Variants in RIT2 observed in about 807,000 individuals in gnomAD.
RIT2 encodes the protein GTP-binding protein Rit2.
RIT2 carries 24 observed loss-of-function variants against 23.7 expected under a neutral mutation model. The ratio of observed to expected loss-of-function variants is 1.01; its 90% CI spans 0.73 to 1.43. The LOEUF (loss-of-function observed/expected upper bound fraction) is 1.43. RIT2 is among the 40% of genes most tolerant of loss of function. The pLI is 0.00. For synonymous variants in RIT2, 107 were observed against 91.1 expected (o/e 1.17, Z -0.99); for missense variants, 236 against 266.9 (o/e 0.88, Z 0.81).
intron 2 of RIT2, among the ~76,000 whole-genome samples, chr18:42,974,918 A>C (rs1360478727): frequency 6.6e-6 from 1 of 152,116 alleles, no homozygotes; most frequent in South Asian, 2.1e-4. Context: ...AAATATTGAA[A>C]GACATTTGAC....
intron 2 of RIT2, among the ~76,000 whole-genome samples, chr18:43,005,697 T>C (rs1194778414): frequency 2.6e-5 from 4 of 151,758 alleles, no homozygotes; most frequent in African/African-American, 9.7e-5. Flanking sequence ...GGCAAAACCA[T>C]CACTTAAATA....
intron 1 of RIT2, among the ~76,000 whole-genome samples, chr18:43,053,186 A>G (rs955701755): frequency 6.6e-6 from 1 of 152,092 alleles, no homozygotes; most frequent in African/African-American, 2.4e-5. Flanking sequence ...AATGCTGTCT[A>G]AACTATTTGT....
intron 4 of RIT2, among the ~76,000 whole-genome samples, chr18:42,904,301 AC>A (rs1217849278): frequency 1.3e-5 from 2 of 152,094 alleles, no homozygotes; most frequent in Non-Finnish European, 2.9e-5. Flanking sequence ...ATCAAGCAAA[AC>A]CCTTTTCAGC....
chr18:42,995,276 C>G (rs2144233809), intron 2 of RIT2, among the ~76,000 whole-genome samples: 1 of 150,984 alleles, frequency 6.6e-6, no homozygotes, highest in East Asian at 2.0e-4. Context: ...TTTTCAGGCC[C>G]CCTCCCTTCC....
chr18:42,768,355 C>T (rs1913474089), intron 4 of RIT2, among the ~76,000 whole-genome samples: 1 of 152,104 alleles, frequency 6.6e-6, no homozygotes, highest in South Asian at 2.1e-4. Flanking sequence ...AGCCAGCCAA[C>T]CAACAGTCAG....
chr18:42,781,516 G>T (rs953290895), intron 4 of RIT2, among the ~76,000 whole-genome samples: 2 of 152,070 alleles, frequency 1.3e-5, no homozygotes, highest in African/African-American at 4.8e-5. Flanking sequence ...CTCCCTGGGG[G>T]CCTCAACTGC....
chr18:42,846,953 C>T (rs1055504142), intron 4 of RIT2, among the ~76,000 whole-genome samples: 12 of 152,164 alleles, frequency 7.9e-5, no homozygotes, highest in Middle Eastern at 6.8e-3. Flanking sequence ...TATAATTTCA[C>T]GGGTTTTCAC....
At chr18:42,789,023 T>G (rs372193904) in intron 4 of RIT2, among the ~76,000 whole-genome samples, 8 of 152,302 alleles carry the variant, frequency 5.3e-5, no homozygotes, top group African/African-American at 1.9e-4. Context: ...TTCAAAGACA[T>G]TCTTTTATTT....
intron 4 of RIT2, among the ~76,000 whole-genome samples, chr18:42,809,313 T>C (rs913567593): frequency 6.6e-6 from 1 of 152,074 alleles, no homozygotes; most frequent in Non-Finnish European, 1.5e-5. Flanking sequence ...AAATTCAAGC[T>C]TCCTAAATCC....
intron 1 of RIT2, among the ~76,000 whole-genome samples, chr18:43,054,654 A>G (rs534691752): frequency 6.6e-6 from 1 of 152,068 alleles, no homozygotes; most frequent in South Asian, 2.1e-4. Context: ...ATGCCCTAAA[A>G]CCCATCTGCT....
rs553472584 is a variant in RIT2 at position 42,930,532 on chromosome 18, C to T, written c.235-6769G>A. Reference sequence around the variant, plus strand: ...AGACACATTGATACCACTGCCTCGCCAAGGAAAGAAAGAATTAAATTAAAT... The same window carrying T: ...AGACACATTGATACCACTGCCTCGCTAAGGAAAGAAAGAATTAAATTAAAT... On this transcript the variant is annotated intron_variant, in intron 3 of 4. Transcript: ENST00000326695. Among the ~76,000 whole-genome samples the T allele has an allele frequency of 2.0e-5, 3 of 151,904 alleles. No individual in the cohort carries two copies. In the South Asian group the frequency reaches 6.2e-4, roughly 32 times the overall value.
At chr18:42,763,420 C>T (rs1913348687) in intron 4 of RIT2, among the ~76,000 whole-genome samples, 1 of 151,192 alleles carries the variant, frequency 6.6e-6, no homozygotes, top group Non-Finnish European at 1.5e-5. Context: ...CGAGATTGCA[C>T]CTTTGCACTC....
At chr18:43,086,393 C>A (rs890505375) in intron 1 of RIT2, among the ~76,000 whole-genome samples, 1 of 152,120 alleles carries the variant, frequency 6.6e-6, no homozygotes, top group African/African-American at 2.4e-5. Flanking sequence ...TAGAAACATG[C>A]AACCTACCAA....
chr18:42,762,994 C>T (rs1489997079), intron 4 of RIT2, among the ~76,000 whole-genome samples: 5 of 152,178 alleles, frequency 3.3e-5, no homozygotes, highest in African/African-American at 1.2e-4. Flanking sequence ...TAGACACAAA[C>T]TTAGACGGTA....
intron 4 of RIT2, among the ~76,000 whole-genome samples, chr18:42,747,643 A>G (rs1408869461): frequency 6.6e-6 from 1 of 152,022 alleles, no homozygotes; most frequent in Non-Finnish European, 1.5e-5. Context: ...TTGAAACTAT[A>G]CTATAAGGCT....
intron 4 of RIT2, among the ~76,000 whole-genome samples, chr18:42,906,521 T>A (rs1410217635): frequency 6.6e-6 from 1 of 152,160 alleles, no homozygotes; most frequent in Non-Finnish European, 1.5e-5. Context: ...ACAGGGTAAT[T>A]CTTAATTTAA....
At chr18:42,856,976 C>G (rs544612897) in intron 4 of RIT2, among the ~76,000 whole-genome samples, 103 of 151,900 alleles carry the variant, frequency 6.8e-4, no homozygotes, top group Admixed American at 1.2e-3. Flanking sequence ...CCACAGGCAC[C>G]CGCCACCACG....
chr18:43,110,201 T>C (rs986321215), intron 1 of RIT2, among the ~76,000 whole-genome samples: 1 of 152,086 alleles, frequency 6.6e-6, no homozygotes, highest in Admixed American at 6.6e-5. Context: ...ATTATCATTA[T>C]GTTAAGTGTA....
At chr18:42,773,159 T>C (rs1913591082) in intron 4 of RIT2, among the ~76,000 whole-genome samples, 1 of 26,842 alleles carries the variant, frequency 3.7e-5, no homozygotes, top group African/African-American at 4.8e-5. Flanking sequence ...TAAATATTTA[T>C]GTGTATGTAA....
Sources: allele counts gnomAD v4.1 joint callset (sites outside exome capture counted in the v4.1 genomes callset), GRCh38; gene constraint gnomAD v4.1.1; transcripts MANE v1.5; gene names NCBI Gene and HGNC (gene_info 2026-07-23, HGNC 2026-07-21).